SYT13: variants seen among roughly 807,000 people sequenced by gnomAD.
SYT13 encodes the protein synaptotagmin 13.
A neutral mutation model predicts 38.6 loss-of-function variants in SYT13; 21 were observed. That is an observed-to-expected ratio of 0.54 (90% CI 0.39 to 0.78). The LOEUF (loss-of-function observed/expected upper bound fraction) is 0.78. Ranked by LOEUF, SYT13 falls within the 30% of genes least tolerant of loss-of-function variation. SYT13 has a pLI of 0.00. For synonymous variants in SYT13, 241 were observed against 237.6 expected, an observed-to-expected ratio of 1.01 and a Z score of -0.13; for missense variants, 495 against 548.7, an observed-to-expected ratio of 0.90 and a Z score of 0.98.
rs759772969 is a variant in SYT13 at position 45,252,504 on chromosome 11, C to T, written c.763G>A (p.Ala255Thr). ...TCCAGGCCCAGGCGGAGCTCCCCGG[C>T]CACGCTGTGACGGGAGAAGCGGTCG... Reference protein sequence around the residue: ...TCDRFSRHSVAGELRLGLDGT... With the variant: ...TCDRFSRHSVTGELRLGLDGT... The change falls in exon 4 of 6, where the codon GCC becomes ACC. Residue 255 changes from alanine to threonine, a missense_variant. By Grantham distance (58) the Ala-to-Thr change is moderately conservative. Coordinates refer to ENST00000020926, the MANE Select transcript of SYT13 (RefSeq NM_020826.3). This position sits in a 1 kb window ranked among gnomAD's most constrained non-coding sequence, Gnocchi z 4.3. The T allele has an allele frequency of 6.2e-7, 1 of 1,613,898 alleles. No individual in the cohort carries two copies. Among genetic ancestry groups the T allele is most frequent in the East Asian group, 2.2e-5 (1 of 44,878 alleles).
chr11:45,285,479 C>T (rs1294296640), intron 1 of SYT13, among the ~76,000 whole-genome samples: 2 of 152,146 alleles, frequency 1.3e-5, no homozygotes, highest in Non-Finnish European at 2.9e-5. Context: ...TAGCTAGCTT[C>T]CCAGCTCCTG....
intron 3 of SYT13, 180 bp downstream of exon 3, chr11:45,254,090 G>A (rs1318636395): frequency 1.7e-6 from 1 of 576,564 alleles, no homozygotes; most frequent in Non-Finnish European, 2.6e-6. Flanking sequence ...CCCCACTTTG[G>A]ACTGTTGGGG....
At chr11:45,271,416 T>TGA (rs146289763) in intron 1 of SYT13, among the ~76,000 whole-genome samples, 3 of 150,586 alleles carry the variant, frequency 2.0e-5, no homozygotes, top group Admixed American at 6.6e-5. Context: ...TGATTAACAA[T>TGA]GAGAGAGAGA....
At position 45,244,129 on chromosome 11, in the gene SYT13, A is replaced by G. The variant is rs1432994952; in HGVS notation, c.1204T>C (p.Ser402Pro). ...HCSLGLHTSG[S>P]ERSHWEEMLK... is the part of the protein sequence containing the mutation. Reference sequence around the variant, plus strand: ...ATCTCCTCCCAGTGGCTGCGCTCAGAGCCCGAGGTGTGCAGGCCCAGGCTG... The same window carrying G: ...ATCTCCTCCCAGTGGCTGCGCTCAGGGCCCGAGGTGTGCAGGCCCAGGCTG... Residue 402 changes from serine (S) to proline (P), a missense_variant, in exon 6 of 6, where the codon TCT (serine) becomes CCT (proline). Physicochemically the swap from Ser to Pro is moderately conservative, Grantham distance 74. Transcript: ENST00000020926. 2 of 1,613,308 alleles carry G rather than the reference A, an allele frequency of 1.2e-6. No homozygotes were observed. Among genetic ancestry groups the G allele is most frequent in the Non-Finnish European group, 1.7e-6 (2 of 1,179,966 alleles).
At chr11:45,282,038 C>T (rs1855080804) in intron 1 of SYT13, among the ~76,000 whole-genome samples, 2 of 152,156 alleles carry the variant, frequency 1.3e-5, no homozygotes, top group African/African-American at 4.8e-5. Context: ...CCTGTGCAGA[C>T]AAGGGTGATG....
chr11:45,261,519 A>C (rs10838438), intron 1 of SYT13, among the ~76,000 whole-genome samples: 47,469 of 151,812 alleles, frequency 0.31, 7,507 homozygotes, highest in South Asian at 0.4. Context: ...AATGGCGTGA[A>C]CCCAGAAGGC....
At position 45,246,243 on chromosome 11, in the gene SYT13, C is replaced by A. The variant is rs113304914; in HGVS notation, c.976+140G>T. 9.6e-5 allele frequency: 120 copies of A among 1,244,442 alleles called. No homozygotes were observed. In the African/African-American group the frequency reaches 1.4e-3, roughly 15 times the overall value. 77.1% of individuals were successfully genotyped at this position (1,244,442 alleles called of 1,614,324 possible). A position where few individuals can be genotyped will look rare whatever the true frequency, so the allele number is the denominator to read the frequency against. On this transcript the variant is annotated intron_variant, in intron 5 of 5. Coordinates refer to ENST00000020926, the MANE Select transcript of SYT13 (RefSeq NM_020826.3). The stretch of plus-strand genomic sequence containing the variant: ...ATTTGTGAACTTAGGGTGAAGAACA[C>A]CGCTGAGCATGGCTCCGTAGATGTG...
In SYT13 at chr11:45,266,606, CCTCATTTTG is replaced by C. The variant is rs570959514; in HGVS notation, c.184-10724_184-10716del. ...CAAGCTGTAAGAAACTGAGAGAGAT[CCTCATTTTG>C]CTCATTTTGCCTCCAGAGAAGGACC... On this transcript the variant is annotated intron_variant, in intron 1 of 5. Coordinates refer to ENST00000020926, the MANE Select transcript of SYT13 (RefSeq NM_020826.3). Among the ~76,000 whole-genome samples, 120 of 152,090 alleles carry C rather than the reference CCTCATTTTG, an allele frequency of 7.9e-4. No individual in the cohort carries two copies. In the Middle Eastern group the frequency reaches 0.01, roughly 13 times the overall value.
Position 45,256,040 on chromosome 11 carries a change from G to A in SYT13, c.184-149C>T, listed in dbSNP as rs1037574287. The stretch of plus-strand genomic sequence containing the variant: ...TGCTCTGAAGAGCACAACCTAGGAA[G>A]GTCTAACATCATCTCCAAACCCACT... On this transcript the variant is annotated intron_variant, in intron 1 of 5. Coordinates refer to ENST00000020926, the MANE Select transcript of SYT13 (RefSeq NM_020826.3). 19 of 769,042 alleles carry A rather than the reference G, an allele frequency of 2.5e-5. No homozygotes were observed. In the African/African-American group the frequency reaches 3.0e-4, roughly 12 times the overall value. The allele number at this position is 769,042 out of a possible 1,614,324, so 47.6% of individuals were successfully genotyped here. A position where few individuals can be genotyped will look rare whatever the true frequency, so the allele number is the denominator to read the frequency against.
intron 1 of SYT13, among the ~76,000 whole-genome samples, chr11:45,279,014 G>C (rs1320072103): frequency 2.6e-5 from 4 of 152,184 alleles, no homozygotes; most frequent in Non-Finnish European, 5.9e-5. Flanking sequence ...ATTGGGAAAG[G>C]TTTCTGAAGT....
intron 4 of SYT13, among the ~76,000 whole-genome samples, chr11:45,249,201 G>A (rs546361996): frequency 9.8e-5 from 15 of 152,314 alleles, no homozygotes; most frequent in Admixed American, 9.2e-4. Context: ...ACCACAATGA[G>A]ATACCATCTC....
chr11:45,261,421 C>A (rs1340170102), intron 1 of SYT13, among the ~76,000 whole-genome samples: 2 of 151,840 alleles, frequency 1.3e-5, no homozygotes, highest in Non-Finnish European at 2.9e-5. Context: ...GAAACCCCGT[C>A]TCTACTAAAA....
intron 1 of SYT13, among the ~76,000 whole-genome samples, chr11:45,257,445 GC>G (rs1854762529): frequency 1.3e-5 from 2 of 152,132 alleles, no homozygotes; most frequent in South Asian, 4.1e-4. Context: ...CTCCATGCTA[GC>G]CCTCCTGGCC....
At chr11:45,257,384 C>T (rs1279489335) in intron 1 of SYT13, among the ~76,000 whole-genome samples, 3 of 152,094 alleles carry the variant, frequency 2.0e-5, no homozygotes, top group East Asian at 1.9e-4. Flanking sequence ...TTAAGACAGG[C>T]GGATCTGAAG....
At chr11:45,282,116 A>G (rs1047336518) in intron 1 of SYT13, among the ~76,000 whole-genome samples, 1 of 152,166 alleles carries the variant, frequency 6.6e-6, no homozygotes, top group African/African-American at 2.4e-5. Flanking sequence ...AGTAATGGTG[A>G]AGGAGAAACC....
At chr11:45,246,595 A>G in intron 4 of SYT13, 83 bp from the exon 5 acceptor site, 1 of 1,534,770 alleles carries the variant, frequency 6.5e-7, no homozygotes, top group South Asian at 1.2e-5. Flanking sequence ...AGCTGGAACC[A>G]TGCTGGATTT....
In SYT13 at chr11:45,246,345, C is replaced by T. The variant is rs756938434; in HGVS notation, c.976+38G>A. On this transcript the variant is annotated intron_variant, in intron 5 of 5. Coordinates refer to ENST00000020926, the MANE Select transcript of SYT13 (RefSeq NM_020826.3). ...CTCCCTCAGCACACACTCCCGGTAG[C>T]TGGAGGGGCCTTGGCCATCCTCTCA... 4 of 1,607,382 alleles carry T rather than the reference C, an allele frequency of 2.5e-6. No homozygotes were observed. The Admixed American group carries it at 5.1e-5, about 20-fold the overall frequency.
intron 1 of SYT13, among the ~76,000 whole-genome samples, chr11:45,274,663 A>G (rs1854988614): frequency 6.6e-6 from 1 of 152,238 alleles, no homozygotes; most frequent in Non-Finnish European, 1.5e-5. Flanking sequence ...AGCTGTTTCA[A>G]TCAACTCTTC....
chr11:45,264,689 G>A (rs1445295420), intron 1 of SYT13, among the ~76,000 whole-genome samples: 2 of 152,172 alleles, frequency 1.3e-5, no homozygotes, highest in East Asian at 1.9e-4. Context: ...AATAAGCATT[G>A]TTGTTTTAAG....
Sources: gnomAD v4.1 joint callset for allele counts (sites outside exome capture counted in the v4.1 genomes callset) on GRCh38, gnomAD v4.1.1 for gene constraint, Gnocchi (gnomAD v3.1) non-coding constraint, MANE v1.5 for transcripts, NCBI Gene and HGNC (gene_info 2026-07-23, HGNC 2026-07-21) for gene names.